Variants in TMEM255B observed in about 807,000 individuals in gnomAD.
TMEM255B encodes the protein transmembrane protein 255B.
In TMEM255B, 35 loss-of-function variants were observed where a neutral mutation model predicts 34.5. That is an observed-to-expected ratio of 1.01 (90% CI 0.77 to 1.34). The LOEUF is 1.34. TMEM255B is among the 40% of genes most tolerant of loss of function. The pLI, the probability that TMEM255B is intolerant of heterozygous loss-of-function variation, is 0.00. For synonymous variants in TMEM255B, 206 were observed against 201.2 expected, an observed-to-expected ratio of 1.02 and a Z score of -0.20; for missense variants, 432 against 433.2, an observed-to-expected ratio of 1.00 and a Z score of 0.02.
Position 113,814,321 on chromosome 13 carries a change from G to T in TMEM255B, c.*2418G>T, listed in dbSNP as rs1340907052. 5 of 152,290 alleles carry T rather than the reference G, an allele frequency of 3.3e-5. No individual in the cohort carries two copies. Among genetic ancestry groups the T allele is most frequent in the African/African-American group, 1.2e-4 (5 of 41,462 alleles). 9.4% of individuals were successfully genotyped at this position (152,290 alleles called of 1,614,324 possible). On this transcript the variant is annotated 3_prime_UTR_variant, in exon 9 of 9. Coordinates refer to ENST00000375353, the MANE Select transcript of TMEM255B (RefSeq NM_182614.4). ...CCTCATGTCAGCCCTCGGTCGCAGGGTGCGGTGTGGGGGCATCAGAGTGCT... is the reference window on the plus strand; with the variant it reads ...CCTCATGTCAGCCCTCGGTCGCAGGTTGCGGTGTGGGGGCATCAGAGTGCT...
chr13:113,789,760 G>A (rs979376547), intron 3 of TMEM255B, among the ~76,000 whole-genome samples: 1 of 152,000 alleles, frequency 6.6e-6, no homozygotes, highest in Non-Finnish European at 1.5e-5. Context: ...TGGACTGACC[G>A]GGCATGTGGA....
intron 3 of TMEM255B, among the ~76,000 whole-genome samples, chr13:113,793,126 G>A (rs1594147463): frequency 1.3e-5 from 2 of 152,330 alleles, no homozygotes; most frequent in African/African-American, 4.8e-5. Context: ...GGAGGTGGAG[G>A]GGGGATGCGA....
chr13:113,759,372 G>A lies in TMEM255B; in HGVS notation c.46+57G>A, dbSNP rs185704421. 1,030 of 1,223,168 alleles carry A rather than the reference G, an allele frequency of 8.4e-4. 3 individuals are homozygous for A. The African/African-American group carries it at 0.014, about 17-fold the overall frequency. The allele number at this position is 1,223,168 out of a possible 1,614,324, so 75.8% of individuals were successfully genotyped here. ...CCTGCGGGGGAGCGTGGGGACCCCG[G>A]GGCTGGGACTACAGGTCCCCGGCCG... is the stretch of plus-strand genomic sequence containing the variant. On this transcript the variant is annotated intron_variant, in intron 1 of 8. Transcript: ENST00000375353.
rs1280260545 is a variant in TMEM255B at position 113,814,426 on chromosome 13, G to A, written c.*2523G>A. The A allele has an allele frequency of 6.6e-6, 1 of 152,244 alleles. No homozygotes were observed. The highest frequency in any genetic ancestry group is 1.9e-4 in the East Asian group (1 of 5,198). 9.4% of individuals were successfully genotyped at this position (152,244 alleles called of 1,614,324 possible). A position where few individuals can be genotyped will look rare whatever the true frequency, so the allele number is the denominator to read the frequency against. ...CTTTTAATCTTGTCTAGAGTCAAAA[G>A]CTGTTCAAAAATATTCAACTCCAAG... On this transcript the variant is annotated 3_prime_UTR_variant, in exon 9 of 9. Transcript: ENST00000375353.
chr13:113,796,501 CCACACAGAG>C (rs2050943121), intron 4 of TMEM255B, among the ~76,000 whole-genome samples: 1 of 146,928 alleles, frequency 6.8e-6, no homozygotes, highest in South Asian at 2.2e-4. Context: ...ACTACACACA[CCACACAGAG>C]CACACAGCAC....
chr13:113,764,651 G>A (rs937910147), intron 1 of TMEM255B, among the ~76,000 whole-genome samples: 30 of 152,336 alleles, frequency 2.0e-4, no homozygotes, highest in African/African-American at 5.8e-4. Flanking sequence ...TGCCTGCAGC[G>A]TGTGCCTCTG....
chr13:113,799,975 C>T (rs1343950057), intron 5 of TMEM255B: 22 of 1,271,000 alleles, frequency 1.7e-5, no homozygotes, highest in African/African-American at 3.1e-5. Context: ...CCTCAGCACG[C>T]GTGTCAGAGG....
intron 4 of TMEM255B, among the ~76,000 whole-genome samples, chr13:113,796,822 C>T (rs2050949952): frequency 6.6e-6 from 1 of 152,248 alleles, no homozygotes; most frequent in Non-Finnish European, 1.5e-5. Flanking sequence ...CACTGAAAGG[C>T]ACTGAAGGTT....
At chr13:113,766,635 G>C (rs774601241) in intron 2 of TMEM255B, among the ~76,000 whole-genome samples, 1 of 152,220 alleles carries the variant, frequency 6.6e-6, no homozygotes, top group Non-Finnish European at 1.5e-5. Context: ...GTCCAAAAAG[G>C]CCGGACAGAG....
intron 3 of TMEM255B, among the ~76,000 whole-genome samples, chr13:113,789,021 C>G (rs969901620): frequency 1.3e-5 from 2 of 152,072 alleles, no homozygotes; most frequent in African/African-American, 4.8e-5. Context: ...AGGGTCTCCA[C>G]CTTGTTGAGT....
At chr13:113,768,594 G>T (rs1292628062) in intron 2 of TMEM255B, among the ~76,000 whole-genome samples, 4 of 152,116 alleles carry the variant, frequency 2.6e-5, no homozygotes, top group Non-Finnish European at 4.4e-5. Flanking sequence ...CCCTGCTAAC[G>T]GTCTGCCCTG....
At chr13:113,802,211 A>G (rs1042498959) in intron 7 of TMEM255B, among the ~76,000 whole-genome samples, 3 of 152,264 alleles carry the variant, frequency 2.0e-5, no homozygotes, top group Admixed American at 2.0e-4. Context: ...AGACCCATAC[A>G]GCCAGGATTG....
intron 6 of TMEM255B, 151 bp downstream of exon 6, chr13:113,801,063 T>TAC: frequency 2.2e-6 from 2 of 891,552 alleles, no homozygotes; most frequent in Non-Finnish European, 1.8e-6. Flanking sequence ...CCCCCGTATG[T>TAC]GCCTGCAGGG....
intron 3 of TMEM255B, among the ~76,000 whole-genome samples, chr13:113,789,093 G>T (rs2050787559): frequency 6.6e-6 from 1 of 151,388 alleles, no homozygotes; most frequent in African/African-American, 2.4e-5. Flanking sequence ...CTGCACCCGG[G>T]CCACTCTCCC....
At chr13:113,759,444 C>T (rs1368449271) in intron 1 of TMEM255B, 129 bp downstream of exon 1, 15 of 831,736 alleles carry the variant, frequency 1.8e-5, no homozygotes, top group Non-Finnish European at 2.1e-5. Flanking sequence ...TCTGGTCCCT[C>T]CGCCTCCTTC....
At chr13:113,797,874 C>T (rs2138568967) in intron 4 of TMEM255B, among the ~76,000 whole-genome samples, 1 of 152,326 alleles carries the variant, frequency 6.6e-6, no homozygotes, top group South Asian at 2.1e-4. Context: ...TCCTGCTGTC[C>T]TCTACCATAG....
intron 1 of TMEM255B, among the ~76,000 whole-genome samples, chr13:113,764,364 G>GCAGGGACCCCGAACCC (rs2050355101): frequency 6.6e-6 from 1 of 152,220 alleles, no homozygotes; most frequent in Non-Finnish European, 1.5e-5. Flanking sequence ...GGCCCTGGCT[G>GCAGGGACCCCGAACCC]CAGGGACCCC....
At chr13:113,768,761 G>A in intron 2 of TMEM255B, 1 of 449,586 alleles carries the variant, frequency 2.2e-6, no homozygotes, top group Non-Finnish European at 4.5e-6. Flanking sequence ...GGAGAAGACG[G>A]GACAGATGGT....
At chr13:113,802,686 T>C (rs1460763842) in intron 7 of TMEM255B, among the ~76,000 whole-genome samples, 1 of 125,776 alleles carries the variant, frequency 8.0e-6, no homozygotes, top group Non-Finnish European at 1.9e-5. Context: ...CTGGGAACCC[T>C]CCTGCCATCT....
Sources: allele counts gnomAD v4.1 joint callset (sites outside exome capture counted in the v4.1 genomes callset), GRCh38; gene constraint gnomAD v4.1.1; transcripts MANE v1.5; gene names NCBI Gene and HGNC (gene_info 2026-07-23, HGNC 2026-07-21).